CNOT1: variants seen among roughly 807,000 people sequenced by gnomAD.
The protein encoded by CNOT1 is CCR4-NOT transcription complex subunit 1.
CNOT1 carries 15 observed loss-of-function variants against 273.8 expected under a neutral mutation model. The ratio of observed to expected loss-of-function variants is 0.05; its 90% confidence interval spans 0.04 to 0.08. CNOT1 has a LOEUF of 0.08. CNOT1 is among the 10% of genes least tolerant of loss of function. The probability of loss-of-function intolerance (pLI) is 1.00; values close to 1 mark genes in which losing one functional copy is unlikely to be tolerated. For synonymous variants in CNOT1, 1,022 were observed against 1,005.5 expected (o/e 1.02, Z -0.31); for missense variants, 1,644 against 2,912.2 (o/e 0.56, Z 10.02).
rs756747418 is a variant in CNOT1, at chr16:58,525,971, T to G, written c.6603+18A>C. 31 of 1,612,164 alleles carry G rather than the reference T, an allele frequency of 1.9e-5. No homozygotes were observed. Among genetic ancestry groups the G allele is most frequent in the African/African-American group, 8.0e-5 (6 of 74,910 alleles). ...TTATATGGAAGACGTAGATGAGTTT[T>G]AAGCCAAACCAATTAACCTGTAGGT... On this transcript the variant is annotated intron_variant, in intron 45 of 48. Transcript: ENST00000317147.
intron 1 of CNOT1, among the ~76,000 whole-genome samples, chr16:58,609,503 G>A (rs992288204): frequency 1.3e-5 from 2 of 152,006 alleles, no homozygotes; most frequent in Admixed American, 6.6e-5. Flanking sequence ...CGAGCTTGTC[G>A]CCCAGGCTGG....
chr16:58,599,148 A>G, intron 2 of CNOT1, 88 bp downstream of exon 2: 1 of 1,563,212 alleles, frequency 6.4e-7, no homozygotes, highest in Non-Finnish European at 8.7e-7. Flanking sequence ...GTTACCTTTC[A>G]TGCAACATGC....
intron 2 of CNOT1, among the ~76,000 whole-genome samples, chr16:58,596,887 C>CAAAAAAAAAAAAAA (rs58567423): frequency 4.3e-5 from 3 of 69,980 alleles, no homozygotes; most frequent in African/African-American, 1.2e-4. Flanking sequence ...GACTCCGTCT[C>CAAAAAAAAAAAAAA]AAAAAAAAAA....
chr16:58,523,682 C>T, intron 46 of CNOT1, 180 bp from the exon 47 acceptor site: 1 of 485,914 alleles, frequency 2.1e-6, no homozygotes, highest in East Asian at 3.1e-5. Flanking sequence ...CAGAATTTTC[C>T]ACATTAGAAA....
chr16:58,530,189 AG>A, intron 43 of CNOT1, 56 bp downstream of exon 43: 1 of 1,386,078 alleles, frequency 7.2e-7, no homozygotes, highest in Non-Finnish European at 1.0e-6. Flanking sequence ...AGATTCCTAA[AG>A]TGTATTTTCT....
intron 47 of CNOT1, chr16:58,523,106 G>A (rs1489042372): frequency 1.4e-5 from 3 of 219,062 alleles, no homozygotes; most frequent in Non-Finnish European, 2.7e-5. Flanking sequence ...TTAGCTGGGC[G>A]TGGTGGCAGG....
At chr16:58,573,032 C>T (rs968514550) in intron 16 of CNOT1, among the ~76,000 whole-genome samples, 3 of 151,600 alleles carry the variant, frequency 2.0e-5, no homozygotes, top group East Asian at 1.9e-4. Flanking sequence ...AGAGGCCAGG[C>T]GTAGTGGTTC....
intron 19 of CNOT1, 56 bp from the exon 20 acceptor site, chr16:58,555,964 A>G (rs2040615925): frequency 1.3e-6 from 2 of 1,595,548 alleles, no homozygotes; most frequent in African/African-American, 2.7e-5. Flanking sequence ...CCACTTCCCC[A>G]TAAAACACAG....
intron 1 of CNOT1, among the ~76,000 whole-genome samples, chr16:58,609,018 A>G (rs998832744): frequency 1.3e-5 from 2 of 152,218 alleles, no homozygotes; most frequent in African/African-American, 4.8e-5. Flanking sequence ...AAAAGACTAC[A>G]AAGTGGGTAC....
intron 16 of CNOT1, among the ~76,000 whole-genome samples, 173 bp from the exon 17 acceptor site, chr16:58,560,535 C>T (rs1268854004): frequency 3.3e-5 from 5 of 151,880 alleles, no homozygotes; most frequent in African/African-American, 7.3e-5. Flanking sequence ...CGGGTTCAAG[C>T]GATTCTTCTG....
chr16:58,600,938 C>G (rs940114517), intron 1 of CNOT1, among the ~76,000 whole-genome samples: 9 of 152,114 alleles, frequency 5.9e-5, no homozygotes, highest in African/African-American at 2.2e-4. Flanking sequence ...GAGATCCCAT[C>G]TCTATTCTGT....
At position 58,574,903 on chromosome 16, in the gene CNOT1, TTTC is replaced by T. The variant is rs1230031338; in HGVS notation, c.1827+101_1827+103del. 7 of 1,557,882 alleles carry T rather than the reference TTTC, an allele frequency of 4.5e-6. No homozygotes were observed. In the Admixed American group the frequency reaches 1.1e-4, roughly 24 times the overall value. On this transcript the variant is annotated intron_variant, in intron 15 of 48. Coordinates refer to ENST00000317147, the MANE Select transcript of CNOT1 (RefSeq NM_016284.5). Reference sequence around the variant, plus strand: ...TTAAAAAAGTTGTTTCTTTCAAATTTTTCTTTAGTTTATTACTGCTGCACAAAT... The same window carrying T: ...TTAAAAAAGTTGTTTCTTTCAAATTTTTTAGTTTATTACTGCTGCACAAAT...
chr16:58,602,989 G>A (rs1411639468), intron 1 of CNOT1, among the ~76,000 whole-genome samples: 3 of 152,058 alleles, frequency 2.0e-5, no homozygotes, highest in Non-Finnish European at 4.4e-5. Context: ...AACTTACTCA[G>A]GCCAAAATCT....
intron 32 of CNOT1, 29 bp downstream of exon 32, chr16:58,542,399 A>C: frequency 6.2e-7 from 1 of 1,613,004 alleles, no homozygotes; most frequent in Non-Finnish European, 8.5e-7. Flanking sequence ...AAAAAAGAAA[A>C]TCTTAAAAGG....
At chr16:58,556,781 A>G in intron 19 of CNOT1, 66 bp downstream of exon 19, 1 of 1,572,038 alleles carries the variant, frequency 6.4e-7, no homozygotes, top group Non-Finnish European at 8.6e-7. Flanking sequence ...ACTAACACAA[A>G]TGAGACATAC....
intron 17 of CNOT1, chr16:58,559,921 A>C: frequency 1.3e-6 from 1 of 744,400 alleles, no homozygotes; most frequent in South Asian, 1.3e-5. Flanking sequence ...TCAGGTTCAA[A>C]GGCAGTGCTT....
At chr16:58,523,568 C>A (rs963808057) in intron 46 of CNOT1, 66 bp from the exon 47 acceptor site, 38 of 1,510,088 alleles carry the variant, frequency 2.5e-5, no homozygotes, top group Non-Finnish European at 2.1e-5. Flanking sequence ...ACAGTTCTAA[C>A]TGGCTAGGGT....
At position 58,521,046 on chromosome 16, in the gene CNOT1, G is replaced by A; in HGVS notation, c.7053-10C>T. 6.2e-7 allele frequency: 1 copy of A among 1,614,110 alleles called. No individual in the cohort carries two copies. Among genetic ancestry groups the A allele is most frequent in the African/African-American group, 1.3e-5 (1 of 75,060 alleles). On this transcript the variant is annotated splice_polypyrimidine_tract_variant and intron_variant, in intron 48 of 48. Transcript: ENST00000317147. ...GACCGACTGGAATAACCTGAAGGATGAAGACAGTTACAAATCTCTGATTAA... is the reference window on the plus strand; with the variant it reads ...GACCGACTGGAATAACCTGAAGGATAAAGACAGTTACAAATCTCTGATTAA...
intron 1 of CNOT1, chr16:58,623,402 C>G (rs2043433161): frequency 6.6e-6 from 1 of 152,118 alleles, no homozygotes; most frequent in Non-Finnish European, 1.5e-5. Flanking sequence ...TGCATGGGTG[C>G]TGGTCACCTG....
Sources: allele counts gnomAD v4.1 joint callset (sites outside exome capture counted in the v4.1 genomes callset), GRCh38; gene constraint gnomAD v4.1.1; transcripts MANE v1.5; gene names NCBI Gene and HGNC (gene_info 2026-07-23, HGNC 2026-07-21).